UNC5B: variants seen among roughly 807,000 people sequenced by gnomAD.
UNC5B encodes the protein unc-5 netrin receptor B.
In UNC5B, 56 loss-of-function variants were observed where a neutral mutation model predicts 103.7. The ratio of observed to expected loss-of-function variants is 0.54; its 90% CI spans 0.44 to 0.67. The LOEUF (loss-of-function observed/expected upper bound fraction) is 0.67, where lower values mean the gene tolerates loss of function less well. Ranked by LOEUF, UNC5B falls within the 30% of genes least tolerant of loss-of-function variation. The pLI, the probability that UNC5B is intolerant of heterozygous loss-of-function variation, is 0.00. For synonymous variants in UNC5B, 577 were observed against 542.0 expected (o/e 1.06, Z -0.90); for missense variants, 1,194 against 1,284.5 (o/e 0.93, Z 1.08).
At chr10:71,289,104 C>A in intron 8 of UNC5B, 114 bp downstream of exon 8, 2 of 1,398,644 alleles carry the variant, frequency 1.4e-6, no homozygotes, top group Non-Finnish European at 2.0e-6. Flanking sequence ...GCCTACCCAC[C>A]CCCCACGGGA....
chr10:71,240,883 A>C (rs977010315), intron 1 of UNC5B, among the ~76,000 whole-genome samples: 1 of 152,234 alleles, frequency 6.6e-6, no homozygotes, highest in Non-Finnish European at 1.5e-5. Flanking sequence ...GCCAAGAAGA[A>C]GACTTTAATA....
intron 1 of UNC5B, among the ~76,000 whole-genome samples, chr10:71,233,570 T>C (rs1843722287): frequency 6.6e-6 from 1 of 152,108 alleles, no homozygotes; most frequent in Non-Finnish European, 1.5e-5. Context: ...GCTCCAGAGG[T>C]GGCCACCGTC....
At chr10:71,253,603 G>A (rs1844224744) in intron 1 of UNC5B, among the ~76,000 whole-genome samples, 1 of 152,294 alleles carries the variant, frequency 6.6e-6, no homozygotes, top group African/African-American at 2.4e-5. Flanking sequence ...GGCAAGCTGG[G>A]GCTTTGTCTC....
intron 1 of UNC5B, among the ~76,000 whole-genome samples, chr10:71,229,566 T>C (rs922679609): frequency 2.6e-5 from 4 of 152,168 alleles, no homozygotes; most frequent in African/African-American, 9.7e-5. Context: ...CCATCCACCC[T>C]CCTTCCCATC....
Position 71,299,784 on chromosome 10 carries a change from G to C in UNC5B, c.*507G>C, listed in dbSNP as rs1039362849. 1.3e-5 allele frequency: 2 copies of C among 152,398 alleles called. No homozygotes were observed. The highest frequency in any genetic ancestry group is 4.8e-5 in the African/African-American group (2 of 41,370). 9.4% of individuals were successfully genotyped at this position (152,398 alleles called of 1,614,324 possible). A position where few individuals can be genotyped will look rare whatever the true frequency, so the allele number is the denominator to read the frequency against. ...TCCTGTCCAAAAGCAAAAAGGCAAA[G>C]GAAAGAAAGAAAGCTTCAGACCGCT... On this transcript the variant is annotated 3_prime_UTR_variant, in exon 17 of 17. Coordinates refer to ENST00000335350, the MANE Select transcript of UNC5B (RefSeq NM_170744.5).
At chr10:71,222,857 G>C (rs959041973) in intron 1 of UNC5B, among the ~76,000 whole-genome samples, 3 of 152,232 alleles carry the variant, frequency 2.0e-5, no homozygotes, top group African/African-American at 7.2e-5. Context: ...TCTGTAATGC[G>C]ATCAGAGGCG....
intron 1 of UNC5B, among the ~76,000 whole-genome samples, chr10:71,218,581 A>G (rs1246005887): frequency 1.3e-5 from 2 of 152,230 alleles, no homozygotes; most frequent in African/African-American, 4.8e-5. Flanking sequence ...GCCTGCCTGC[A>G]GGTGGGTCCT....
intron 3 of UNC5B, 113 bp from the exon 4 acceptor site, chr10:71,285,213 G>A: frequency 9.1e-7 from 1 of 1,104,910 alleles, no homozygotes; most frequent in East Asian, 2.6e-5. Context: ...AGGCCAGGTG[G>A]GCCCATCAAC....
intron 6 of UNC5B, 94 bp from the exon 7 acceptor site, chr10:71,288,474 G>A: frequency 6.6e-7 from 1 of 1,507,650 alleles, no homozygotes; most frequent in Non-Finnish European, 8.9e-7. Flanking sequence ...GTGTATGCAT[G>A]CATGTGTGTT....
chr10:71,225,761 A>C (rs923552187), intron 1 of UNC5B, among the ~76,000 whole-genome samples: 1 of 152,182 alleles, frequency 6.6e-6, no homozygotes, highest in Non-Finnish European at 1.5e-5. Context: ...CACACTGTTC[A>C]GAGCCTGAGA....
rs764993379 is a variant in UNC5B at position 71,293,484 on chromosome 10, G to A, written c.1852G>A (p.Val618Ile). The change falls in exon 12 of 17, where the codon GTC (valine) becomes ATC (isoleucine). Residue 618 changes from valine to isoleucine, a missense_variant. Val to Ile is a conservative substitution (Grantham distance 29). Transcript: ENST00000335350. Reference protein sequence around the residue: ...GPTGLLLCRPVILTMPHCAEV... With the variant: ...GPTGLLLCRPIILTMPHCAEV... ...CACAGGCCTCCTGCTGTGCCGCCCCGTCATCCTCACCATGCCCCACTGTGC... is the reference window on the plus strand; with the variant it reads ...CACAGGCCTCCTGCTGTGCCGCCCCATCATCCTCACCATGCCCCACTGTGC... The A allele has an allele frequency of 1.7e-5, 27 of 1,613,878 alleles. No homozygotes were observed. The highest frequency in any genetic ancestry group is 1.6e-4 in the Middle Eastern group (1 of 6,084).
At chr10:71,220,026 T>A (rs1843421708) in intron 1 of UNC5B, among the ~76,000 whole-genome samples, 1 of 152,220 alleles carries the variant, frequency 6.6e-6, no homozygotes, top group Non-Finnish European at 1.5e-5. Context: ...TAGCATCTGC[T>A]GTGTTCACTA....
At chr10:71,286,594 C>A in intron 4 of UNC5B, 95 bp from the exon 5 acceptor site, 2 of 1,495,012 alleles carry the variant, frequency 1.3e-6, no homozygotes, top group Non-Finnish European at 1.8e-6. Flanking sequence ...CTCACTGCCA[C>A]GACTATGGCG....
chr10:71,288,763 G>C lies in UNC5B; in HGVS notation c.1066+31G>C. 3 of 1,580,172 alleles carry C rather than the reference G, an allele frequency of 1.9e-6. No individual in the cohort carries two copies. In the South Asian group the frequency reaches 3.5e-5, roughly 18 times the overall value. ...TCACAGGGAAGGTGGGGCCCTGGGG[G>C]TGGGGACTCTGGAGCCATGTAAGGG... On this transcript the variant is annotated intron_variant, in intron 7 of 16. Coordinates refer to ENST00000335350, the MANE Select transcript of UNC5B (RefSeq NM_170744.5).
intron 1 of UNC5B, among the ~76,000 whole-genome samples, chr10:71,271,956 C>A (rs939599224): frequency 2.0e-5 from 3 of 152,120 alleles, no homozygotes; most frequent in Admixed American, 6.5e-5. Flanking sequence ...TCGGTAACGG[C>A]CATTGTGACC....
chr10:71,251,282 C>G (rs1200999379), intron 1 of UNC5B, among the ~76,000 whole-genome samples: 1 of 152,212 alleles, frequency 6.6e-6, no homozygotes, highest in African/African-American at 2.4e-5. Flanking sequence ...GATAGACAAA[C>G]TGATGATGTG....
chr10:71,253,964 T>C lies in UNC5B; in HGVS notation c.80-25857T>C, dbSNP rs190137130. The stretch of plus-strand genomic sequence containing the variant: ...TTCCTGCTCACTATATCATGTCAAC[T>C]CCATCAACCTTTAGCCAGGTCCACG... On this transcript the variant is annotated intron_variant, in intron 1 of 16. Coordinates refer to ENST00000335350, the MANE Select transcript of UNC5B (RefSeq NM_170744.5). 5.3e-5 allele frequency among the ~76,000 whole-genome samples: 8 copies of C among 152,208 alleles called. No individual in the cohort carries two copies. The East Asian group carries it at 1.5e-3, about 29-fold the overall frequency.
At chr10:71,282,621 C>T (rs1844959131) in intron 2 of UNC5B, among the ~76,000 whole-genome samples, 1 of 152,122 alleles carries the variant, frequency 6.6e-6, no homozygotes. Context: ...TGGAGCCAGC[C>T]TGTGGGCAGC....
At chr10:71,277,421 C>T (rs776590192) in intron 1 of UNC5B, among the ~76,000 whole-genome samples, 3 of 152,358 alleles carry the variant, frequency 2.0e-5, no homozygotes, top group Non-Finnish European at 4.4e-5. Context: ...AGGGCTGAGA[C>T]GGAGACAAGA....
Sources: gnomAD v4.1 joint callset for allele counts (sites outside exome capture counted in the v4.1 genomes callset) on GRCh38, gnomAD v4.1.1 for gene constraint, MANE v1.5 for transcripts, NCBI Gene and HGNC (gene_info 2026-07-23, HGNC 2026-07-21) for gene names.